FHL3: variants seen among roughly 807,000 people sequenced by gnomAD.
FHL3 encodes four and a half LIM domains protein 3.
Under a neutral mutation model 34.3 loss-of-function variants are expected in FHL3, and 21 were observed. That is an observed-to-expected ratio of 0.61 (90% CI 0.43 to 0.88). The LOEUF (loss-of-function observed/expected upper bound fraction) is 0.88. FHL3 is among the 40% of genes least tolerant of loss of function. FHL3 has a pLI of 0.00. For synonymous variants in FHL3, 137 were observed against 144.6 expected (o/e 0.95, Z 0.38); for missense variants, 333 against 373.7 (o/e 0.89, Z 0.90).
Position 37,998,016 on chromosome 1 carries a change from A to G in FHL3, c.448T>C (p.Cys150Arg). 2 of 1,614,178 alleles carry G rather than the reference A, an allele frequency of 1.2e-6. No homozygotes were observed. The highest frequency in any genetic ancestry group is 1.7e-6 in the Non-Finnish European group (2 of 1,180,004). Residue 150 changes from cysteine to arginine, a missense_variant, in exon 4 of 6, where the codon TGC (cysteine) becomes CGC (arginine). Physicochemically the swap from Cys to Arg is radical, Grantham distance 180. Coordinates refer to ENST00000373016, the MANE Select transcript of FHL3 (RefSeq NM_004468.5). ...SFVPDKGAHY[C>R]VPCYENKFAP... The stretch of plus-strand genomic sequence containing the variant: ...AACTTGTTCTCATAGCAGGGCACGC[A>G]GTAGTGAGCACCCTTGTCGGGCACA...
At chr1:38,003,849 G>A (rs1273070664) in intron 1 of FHL3, among the ~76,000 whole-genome samples, 1 of 152,120 alleles carries the variant, frequency 6.6e-6, no homozygotes, top group Non-Finnish European at 1.5e-5. Context: ...AGGGGAACAG[G>A]AGATGCACCA....
Position 37,997,955 on chromosome 1 carries a change from GC to G in FHL3, c.501+7del. ...CACTCACCCCCACCTGGCTGGCCCA[GC>G]CCCCACCTTGCTGCAGCGGGCGCAG... On this transcript the variant is annotated splice_region_variant and intron_variant, in intron 4 of 5. Transcript: ENST00000373016. This position sits in a 1 kb window ranked among gnomAD's most constrained non-coding sequence, Gnocchi z 4.3. 2 of 1,613,710 alleles carry G rather than the reference GC, an allele frequency of 1.2e-6. No individual in the cohort carries two copies. Among genetic ancestry groups the G allele is most frequent in the South Asian group, 1.1e-5 (1 of 91,064 alleles).
At chr1:38,002,513 C>G (rs958396011) in intron 1 of FHL3, among the ~76,000 whole-genome samples, 2 of 150,064 alleles carry the variant, frequency 1.3e-5, no homozygotes, top group Non-Finnish European at 3.0e-5. Flanking sequence ...GGATTACAGG[C>G]ATGAGCCACA....
intron 1 of FHL3, among the ~76,000 whole-genome samples, chr1:38,001,388 G>A (rs953084678): frequency 9.2e-5 from 14 of 152,210 alleles, no homozygotes; most frequent in Non-Finnish European, 1.5e-4. Context: ...GGCCCACTGC[G>A]GCTGCCACCT....
At position 37,997,315 on chromosome 1, in the gene FHL3, C is replaced by T. The variant is rs966089185; in HGVS notation, c.*90G>A. The T allele has an allele frequency of 1.6e-5, 23 of 1,403,826 alleles. No individual in the cohort carries two copies. The highest frequency in any genetic ancestry group is 2.7e-5 in the South Asian group (2 of 73,890). 87.0% of individuals were successfully genotyped at this position (1,403,826 alleles called of 1,614,324 possible). On this transcript the variant is annotated 3_prime_UTR_variant, in exon 6 of 6. Transcript: ENST00000373016. This position sits in a 1 kb window ranked among gnomAD's most constrained non-coding sequence, Gnocchi z 4.3. Reference sequence around the variant, plus strand: ...CCAGAAGGAGACCCATTTTTTTTGGCGGGGGGAGCTGAGTCCCAGAGGTGG... The same window carrying T: ...CCAGAAGGAGACCCATTTTTTTTGGTGGGGGGAGCTGAGTCCCAGAGGTGG...
In FHL3 at chr1:37,997,458, C is replaced by A. The variant is rs376577989; in HGVS notation, c.790G>T (p.Val264Leu). Residue 264 changes from valine to leucine, a missense_variant, in exon 6 of 6, where the codon GTA (valine) becomes TTA (leucine). Transcript: ENST00000373016. This position sits in a 1 kb window ranked among gnomAD's most constrained non-coding sequence, Gnocchi z 4.3. ...CSTSLVGQGF[V>L]PDGDQVLCQG... is the part of the protein sequence containing the mutation. Reference sequence around the variant, plus strand: ...CAGAGCACTTGGTCTCCATCCGGTACGAAGCCCTGGCCCACCAGGGAGGTA... The same window carrying A: ...CAGAGCACTTGGTCTCCATCCGGTAAGAAGCCCTGGCCCACCAGGGAGGTA... The A allele has an allele frequency of 5.6e-6, 9 of 1,614,056 alleles. No individual in the cohort carries two copies. The highest frequency in any genetic ancestry group is 1.1e-5 in the South Asian group (1 of 91,082).
intron 1 of FHL3, among the ~76,000 whole-genome samples, chr1:38,003,420 C>T (rs1339082966): frequency 6.6e-6 from 1 of 152,176 alleles, no homozygotes; most frequent in East Asian, 1.9e-4. Context: ...GAAATTTGAC[C>T]TGGACATTCT....
Position 37,997,958 on chromosome 1 carries a change from C to T in FHL3, c.501+5G>A, listed in dbSNP as rs1207555085. On this transcript the variant is annotated splice_donor_5th_base_variant and intron_variant, in intron 4 of 5. Transcript: ENST00000373016. The surrounding 1 kb of genome is among the most constrained non-coding windows in gnomAD (Gnocchi z 4.3). Reference sequence around the variant, plus strand: ...TCACCCCCACCTGGCTGGCCCAGCCCCCACCTTGCTGCAGCGGGCGCAGCG... The same window carrying T: ...TCACCCCCACCTGGCTGGCCCAGCCTCCACCTTGCTGCAGCGGGCGCAGCG... The T allele has an allele frequency of 1.2e-6, 2 of 1,613,664 alleles. No individual in the cohort carries two copies. Among genetic ancestry groups the T allele is most frequent in the Admixed American group, 1.7e-5 (1 of 59,992 alleles).
chr1:37,999,466 CAGAG>C, intron 1 of FHL3, 34 bp from the exon 2 acceptor site: 1 of 1,600,208 alleles, frequency 6.2e-7, no homozygotes. Context: ...TGGGGTCACA[CAGAG>C]AGGCTGTGGC....
At chr1:38,002,545 T>A (rs1338578319) in intron 1 of FHL3, among the ~76,000 whole-genome samples, 1 of 149,102 alleles carries the variant, frequency 6.7e-6, no homozygotes. Context: ...ATTTTTTTTT[T>A]TTTTTTTTTT....
chr1:38,003,473 GGGCTTGCTGA>G (rs1354624651), intron 1 of FHL3, among the ~76,000 whole-genome samples: 1 of 152,172 alleles, frequency 6.6e-6, no homozygotes, highest in East Asian at 1.9e-4. Context: ...CAGGCCCATG[GGGCTTGCTGA>G]GGACACCAGT....
In FHL3 at chr1:37,997,904, G is replaced by A. The variant is rs1557761445; in HGVS notation, c.502-34C>T. 1.6e-5 allele frequency: 26 copies of A among 1,613,702 alleles called. No individual in the cohort carries two copies. Among genetic ancestry groups the A allele is most frequent in the Non-Finnish European group, 2.1e-5 (25 of 1,179,754 alleles). On this transcript the variant is annotated intron_variant, in intron 4 of 5. Coordinates refer to ENST00000373016, the MANE Select transcript of FHL3 (RefSeq NM_004468.5). This position sits in a 1 kb window ranked among gnomAD's most constrained non-coding sequence, Gnocchi z 4.3. ...GCAGCATCCATTAGTAGGTATGAGT[G>A]GGGATTCCCACCCCACAACAGGCCT...
chr1:37,998,062 CTGTTCA>C lies in FHL3; in HGVS notation c.396_401del (p.Cys132_Gln134delinsTrp), dbSNP rs752590357. ...GCACAAAAGAACGGGAGCCCAGTGG[CTGTTCA>C]CAGCCACTGCACAGGAAGCAGTGCT... On this transcript the variant is annotated inframe_deletion, in exon 4 of 6. Coordinates refer to ENST00000373016, the MANE Select transcript of FHL3 (RefSeq NM_004468.5). 6.2e-7 allele frequency: 1 copy of C among 1,614,070 alleles called. No individual in the cohort carries two copies. The highest frequency in any genetic ancestry group is 8.5e-7 in the Non-Finnish European group (1 of 1,179,968).
chr1:37,997,853 T>C lies in FHL3; in HGVS notation c.519A>G (p.Gly173=), dbSNP rs375411104. 3 of 1,613,736 alleles carry C rather than the reference T, an allele frequency of 1.9e-6. No individual in the cohort carries two copies. The African/African-American group carries it at 4.0e-5, about 22-fold the overall frequency. Reference sequence around the variant, plus strand: ...GCCACGGCTGATCACGGTATGTCACTCCACCCTGTGTCAGCGTCTGTGGGG... The same window carrying C: ...GCCACGGCTGATCACGGTATGTCACCCCACCCTGTGTCAGCGTCTGTGGGG... ...ARCSKTLTQG[G]VTYRDQPWHR... is the part of the protein sequence containing the mutation. The change falls in exon 5 of 6, where the codon GGA becomes GGG. Residue 173 remains glycine (G), a synonymous_variant. Transcript: ENST00000373016. This position sits in a 1 kb window ranked among gnomAD's most constrained non-coding sequence, Gnocchi z 4.3.
At position 37,998,993 on chromosome 1, in the gene FHL3, A is replaced by G; in HGVS notation, c.312T>C (p.Cys104=). ...ACATACCAGGCATGACAGTCTCCCCACAAGCGGAGCACTGCGAGGAAAACG... is the reference window on the plus strand; with the variant it reads ...ACATACCAGGCATGACAGTCTCCCCGCAAGCGGAGCACTGCGAGGAAAACG... ...CSAFSSQCSA[C]GETVMPGSRK... The change falls in exon 3 of 6, where the codon TGT becomes TGC. Residue 104 remains cysteine (C), a synonymous_variant. Transcript: ENST00000373016. 1 of 1,614,162 alleles carries G rather than the reference A, an allele frequency of 6.2e-7. No homozygotes were observed. Among genetic ancestry groups the G allele is most frequent in the Non-Finnish European group, 8.5e-7 (1 of 1,179,984 alleles).
intron 1 of FHL3, among the ~76,000 whole-genome samples, chr1:38,004,602 G>A (rs1384800209): frequency 3.9e-5 from 6 of 152,136 alleles, no homozygotes; most frequent in Admixed American, 3.9e-4. Context: ...TGTCCCCCAG[G>A]GGGCCCATGC....
chr1:38,003,276 T>C (rs1443466038), intron 1 of FHL3, among the ~76,000 whole-genome samples: 5 of 152,220 alleles, frequency 3.3e-5, no homozygotes, highest in Non-Finnish European at 4.4e-5. Context: ...TAGGTTTTTC[T>C]ATTTTTTGTA....
At position 37,997,058 on chromosome 1, in the gene FHL3, T is replaced by G; in HGVS notation, c.*347A>C. 22 of 205,306 alleles carry G rather than the reference T, an allele frequency of 1.1e-4. No homozygotes were observed. Among genetic ancestry groups the G allele is most frequent in the East Asian group, 4.0e-4 (3 of 7,584 alleles). The allele number at this position is 205,306 out of a possible 1,614,324, so 12.7% of individuals were successfully genotyped here. A position where few individuals can be genotyped will look rare whatever the true frequency, so the allele number is the denominator to read the frequency against. On this transcript the variant is annotated 3_prime_UTR_variant, in exon 6 of 6. Transcript: ENST00000373016. This position sits in a 1 kb window ranked among gnomAD's most constrained non-coding sequence, Gnocchi z 4.3. ...TGAAACCTATAAAGAGAAGTCTAGA[T>G]TTAAGGGGGCCTAAGTCCCAGAGTC... is the stretch of plus-strand genomic sequence containing the variant.
chr1:37,997,525 G>T lies in FHL3; in HGVS notation c.723C>A (p.Asp241Glu), dbSNP rs746022826. 6.2e-7 allele frequency: 1 copy of T among 1,613,782 alleles called. No homozygotes were observed. Reference sequence around the variant, plus strand: ...AGAAGCAGTTGTGGTGCCAGTGTCGGTCTTCAAAGGACACATACTTGCCTC... The same window carrying T: ...AGAAGCAGTTGTGGTGCCAGTGTCGTTCTTCAAAGGACACATACTTGCCTC... Reference protein sequence around the residue: ...LGGGKYVSFEDRHWHHNCFSC... With the variant: ...LGGGKYVSFEERHWHHNCFSC... Residue 241 changes from aspartate (D) to glutamate (E), a missense_variant, in exon 6 of 6, where the codon GAC becomes GAA. Coordinates refer to ENST00000373016, the MANE Select transcript of FHL3 (RefSeq NM_004468.5). This position sits in a 1 kb window ranked among gnomAD's most constrained non-coding sequence, Gnocchi z 4.3.
Sources: allele counts gnomAD v4.1 joint callset (sites outside exome capture counted in the v4.1 genomes callset), GRCh38; gene constraint gnomAD v4.1.1; non-coding constraint Gnocchi (gnomAD v3.1); transcripts MANE v1.5; gene names NCBI Gene and HGNC (gene_info 2026-07-23, HGNC 2026-07-21).